The following DPP10 variants were observed in gnomAD, a reference collection of about 807,000 sequenced individuals.
DPP10 encodes the protein inactive dipeptidyl peptidase 10.
DPP10 carries 33 observed loss-of-function variants against 120.9 expected under a neutral mutation model. That is an observed-to-expected ratio of 0.27 (90% CI 0.21 to 0.37). DPP10 has a LOEUF of 0.37. Ranked by LOEUF, DPP10 falls within the 10% of genes least tolerant of loss-of-function variation. The pLI is 1.00. For synonymous variants in DPP10, 337 were observed against 326.1 expected (o/e 1.03, Z -0.36); for missense variants, 816 against 942.8 (o/e 0.87, Z 1.76).
chr2:114,740,442 G>A (rs935663751), intron 1 of DPP10, among the ~76,000 whole-genome samples: 27 of 149,402 alleles, frequency 1.8e-4, no homozygotes, highest in African/African-American at 5.7e-4. Context: ...CACCAGCATG[G>A]CACATGTATA....
At chr2:115,515,589 C>T (rs1359032007) in intron 4 of DPP10, among the ~76,000 whole-genome samples, 1 of 152,102 alleles carries the variant, frequency 6.6e-6, no homozygotes, top group East Asian at 1.9e-4. Context: ...AATATTTGTA[C>T]TTAGTCTTAA....
chr2:114,938,655 A>G (rs1177414538), intron 1 of DPP10, among the ~76,000 whole-genome samples: 1 of 151,512 alleles, frequency 6.6e-6, no homozygotes, highest in African/African-American at 2.4e-5. Flanking sequence ...AATTTGTATG[A>G]CTAAGAAGTG....
At chr2:114,803,894 A>G (rs1489424186) in intron 1 of DPP10, among the ~76,000 whole-genome samples, 2 of 152,206 alleles carry the variant, frequency 1.3e-5, no homozygotes, top group Non-Finnish European at 2.9e-5. Flanking sequence ...CAAGGAGCCT[A>G]ATGTTAATCC....
intron 3 of DPP10, among the ~76,000 whole-genome samples, chr2:115,450,033 A>G (rs1448086300): frequency 6.6e-6 from 1 of 151,962 alleles, no homozygotes; most frequent in South Asian, 2.1e-4. Flanking sequence ...TTGAATCCCA[A>G]TCCTTTTGTA....
At chr2:114,523,798 C>T (rs1286468873) in intron 1 of DPP10, among the ~76,000 whole-genome samples, 1 of 152,128 alleles carries the variant, frequency 6.6e-6, no homozygotes, top group Non-Finnish European at 1.5e-5. Flanking sequence ...GAAATTATCC[C>T]TCTCTCCCCT....
chr2:115,052,335 A>T (rs1193399143), intron 1 of DPP10, among the ~76,000 whole-genome samples: 1 of 152,198 alleles, frequency 6.6e-6, no homozygotes, highest in East Asian at 1.9e-4. Flanking sequence ...AACTAAATTT[A>T]ATCAAAATTA....
chr2:114,783,094 CTAATT>C (rs1194218067), intron 1 of DPP10, among the ~76,000 whole-genome samples: 1 of 151,884 alleles, frequency 6.6e-6, no homozygotes, highest in African/African-American at 2.4e-5. Flanking sequence ...AAATTAAAAA[CTAATT>C]TAACAAGGGT....
intron 1 of DPP10, among the ~76,000 whole-genome samples, chr2:115,292,260 A>G (rs2060687735): frequency 6.6e-6 from 1 of 152,148 alleles, no homozygotes. Flanking sequence ...ACATAACTAC[A>G]TATAAAACCA....
intron 3 of DPP10, among the ~76,000 whole-genome samples, chr2:115,495,371 A>AAAT (rs2076341368): frequency 6.6e-6 from 1 of 150,678 alleles, no homozygotes; most frequent in Non-Finnish European, 1.5e-5. Context: ...TTCTGAAAAA[A>AAAT]AAAAAAAAAA....
intron 3 of DPP10, among the ~76,000 whole-genome samples, chr2:115,414,776 A>G (rs1330572629): frequency 1.3e-5 from 2 of 152,188 alleles, no homozygotes. Flanking sequence ...TCCAAAGGGA[A>G]AATGCTGATC....
At chr2:115,136,030 A>G (rs1024606329) in intron 1 of DPP10, among the ~76,000 whole-genome samples, 21 of 152,158 alleles carry the variant, frequency 1.4e-4, no homozygotes, top group African/African-American at 4.6e-4. Context: ...AGTGAGAGGC[A>G]GATAATTTGT....
At chr2:114,576,740 C>G (rs1457826053) in intron 1 of DPP10, among the ~76,000 whole-genome samples, 1 of 152,164 alleles carries the variant, frequency 6.6e-6, no homozygotes, top group Non-Finnish European at 1.5e-5. Context: ...GAAGCCAACA[C>G]TAAACAAAAA....
Position 114,643,867 on chromosome 2 carries a change from TTGTGTGTGTGTGTA to T in DPP10, c.60+201051_60+201064del, listed in dbSNP as rs1553475268. ...CTAAACCCACTTGATTAGTGTGTGT[TTGTGTGTGTGTGTA>T]TGTGTGTGTGTGTATGTGTGTATAT... On this transcript the variant is annotated intron_variant, in intron 1 of 25. Coordinates refer to ENST00000410059, the MANE Select transcript of DPP10 (RefSeq NM_020868.6). Among the ~76,000 whole-genome samples, 78 of 149,938 alleles carry T rather than the reference TTGTGTGTGTGTGTA, an allele frequency of 5.2e-4. 2 individuals carry two copies. Among genetic ancestry groups the T allele is most frequent in the African/African-American group, 1.6e-3 (63 of 40,626 alleles).
At chr2:114,610,247 G>A (rs1221447956) in intron 1 of DPP10, among the ~76,000 whole-genome samples, 1 of 152,162 alleles carries the variant, frequency 6.6e-6, no homozygotes, top group African/African-American at 2.4e-5. Context: ...TATTCAAGAG[G>A]TGGGGTTATA....
chr2:115,555,595 A>G (rs1033329895), intron 5 of DPP10, among the ~76,000 whole-genome samples: 2 of 152,070 alleles, frequency 1.3e-5, no homozygotes, highest in African/African-American at 4.8e-5. Flanking sequence ...AACTAATGTG[A>G]TACTTGTAGT....
intron 3 of DPP10, among the ~76,000 whole-genome samples, chr2:115,427,059 T>C (rs1205338506): frequency 1.3e-5 from 2 of 152,156 alleles, no homozygotes; most frequent in Non-Finnish European, 2.9e-5. Flanking sequence ...GGGTAGTCAT[T>C]AAGTCTTAAA....
chr2:115,128,481 A>T (rs1021505467), intron 1 of DPP10, among the ~76,000 whole-genome samples: 6 of 152,186 alleles, frequency 3.9e-5, no homozygotes, highest in Non-Finnish European at 4.4e-5. Flanking sequence ...TCCTCTGAGG[A>T]GCACTAAGAC....
intron 1 of DPP10, among the ~76,000 whole-genome samples, chr2:115,079,221 A>G (rs1460538982): frequency 6.6e-6 from 1 of 152,104 alleles, no homozygotes; most frequent in Non-Finnish European, 1.5e-5. Context: ...TCTACTAAAA[A>G]CACAAAACAT....
chr2:115,107,422 CTTTT>C (rs59046305), intron 1 of DPP10, among the ~76,000 whole-genome samples: 9,659 of 58,258 alleles, frequency 0.17, 332 homozygotes, highest in East Asian at 0.27. Context: ...TTGGTTATAG[CTTTT>C]TTTTTTTTTT....
Sources: allele counts gnomAD v4.1 joint callset (sites outside exome capture counted in the v4.1 genomes callset), GRCh38; gene constraint gnomAD v4.1.1; transcripts MANE v1.5; gene names NCBI Gene and HGNC (gene_info 2026-07-23, HGNC 2026-07-21).